MST1: variants seen among roughly 807,000 people sequenced by gnomAD.
MST1 encodes the protein macrophage stimulating 1, also known as hepatocyte growth factor-like protein.
MST1 carries 76 observed loss-of-function variants against 100.1 expected under a neutral mutation model. That is an observed-to-expected ratio of 0.76 (90% CI 0.63 to 0.92). MST1 has a LOEUF of 0.92. MST1 is among the 40% of genes least tolerant of loss of function. The pLI, the probability that MST1 is intolerant of heterozygous loss-of-function variation, is 0.00. For synonymous variants in MST1, 352 were observed against 385.4 expected, an observed-to-expected ratio of 0.91 and a Z score of 1.01; for missense variants, 850 against 990.0, an observed-to-expected ratio of 0.86 and a Z score of 1.90.
At position 49,685,346 on chromosome 3, in the gene MST1, T is replaced by C; in HGVS notation, c.1460A>G (p.Asp487Gly). Residue 487 changes from aspartate (D) to glycine (G), a missense_variant, in exon 13 of 18, where the codon GAT becomes GGT. Asp to Gly is a moderately conservative substitution (Grantham distance 94). Transcript: ENST00000449682. ...VQFEKCGKRV[D>G]RLDQRRSKLR... ...CTTGGAACGCCGCTGATCCAGCCGA[T>C]CCACCCTCTTGCCACACTTCTCAAA... The C allele has an allele frequency of 6.2e-7, 1 of 1,613,620 alleles. No homozygotes were observed. The highest frequency in any genetic ancestry group is 8.5e-7 in the Non-Finnish European group (1 of 1,179,862).
intron 8 of MST1, 24 bp downstream of exon 8, chr3:49,686,289 G>GCCCCCCACCCCCCCCCCCCCC: frequency 8.1e-7 from 1 of 1,235,666 alleles, no homozygotes; most frequent in South Asian, 1.4e-5. Flanking sequence ...ACGTCCCAAC[G>GCCCCCCACCCCCCCCCCCCCC]CCCGCCCCCC....
Position 49,684,304 on chromosome 3 carries a change from T to G in MST1, c.2016+10A>C. On this transcript the variant is annotated intron_variant, in intron 17 of 17. Transcript: ENST00000449682. ...CCCTTCCAGGGCTGGCCCAGGGCCC[T>G]GCCACCAACCTCACAGGCCCCCACA... 6.2e-7 allele frequency: 1 copy of G among 1,612,904 alleles called. No individual in the cohort carries two copies. The highest frequency in any genetic ancestry group is 1.3e-5 in the African/African-American group (1 of 75,052).
chr3:49,685,586 T>C lies in MST1; in HGVS notation c.1387+10A>G, dbSNP rs779869305. ...GGCAGGGTCATGGGGGAAGCGTCAC[T>C]AGTGCTCACCGCAGCGTCGCAGGGC... On this transcript the variant is annotated intron_variant, in intron 11 of 17. Transcript: ENST00000449682. 1.2e-5 allele frequency: 19 copies of C among 1,613,302 alleles called. No homozygotes were observed. In the South Asian group the frequency reaches 2.1e-4, roughly 18 times the overall value.
At position 49,684,660 on chromosome 3, in the gene MST1, T is replaced by A. The variant is rs1464700647; in HGVS notation, c.1770-4A>T. On this transcript the variant is annotated splice_region_variant and splice_polypyrimidine_tract_variant and intron_variant, in intron 15 of 17. Coordinates refer to ENST00000449682, the MANE Select transcript of MST1 (RefSeq NM_020998.4). ...ACGCTGGTTCAGGGTCACAGATCTT[T>A]AGCAAGAATGGGGGCACTCAGGGTC... 2.5e-6 allele frequency: 4 copies of A among 1,613,388 alleles called. No individual in the cohort carries two copies. The highest frequency in any genetic ancestry group is 3.4e-6 in the Non-Finnish European group (4 of 1,179,814).
intron 1 of MST1, 22 bp from the exon 2 acceptor site, chr3:49,687,919 G>T (rs746115658): frequency 3.7e-6 from 6 of 1,607,668 alleles, no homozygotes; most frequent in Non-Finnish European, 5.1e-6. Flanking sequence ...GCATGAGTGG[G>T]TGCAGGTCAG....
intron 11 of MST1, 22 bp from the exon 12 acceptor site, chr3:49,685,528 G>A (rs760002752): frequency 6.2e-7 from 1 of 1,613,448 alleles, no homozygotes; most frequent in African/African-American, 1.3e-5. Context: ...AGTTCACTGG[G>A]GTTAAGGGAG....
rs555393582 is a variant in MST1 at position 49,688,542 on chromosome 3, G to C, written c.94+56C>G. ...ACTTTTTTCTCATCCTAGAATAGGA[G>C]AATGGGGCCAACCCCCTCCTGAAGG... On this transcript the variant is annotated intron_variant, in intron 1 of 17. Coordinates refer to ENST00000449682, the MANE Select transcript of MST1 (RefSeq NM_020998.4). 36 of 1,599,652 alleles carry C rather than the reference G, an allele frequency of 2.3e-5. 1 individual carries two copies. The South Asian group carries it at 3.8e-4, about 17-fold the overall frequency.
Position 49,684,640 on chromosome 3 carries a change from G to A in MST1, c.1786C>T (p.Gln596Ter), listed in dbSNP as rs1224921815. The change falls in exon 16 of 18, where the codon CAG (glutamine) becomes TAG (stop). Residue 596 changes from glutamine (Q) to a stop codon, truncating the protein, a stop_gained. Coordinates refer to ENST00000449682, the MANE Select transcript of MST1 (RefSeq NM_020998.4). LOFTEE classifies it high-confidence loss of function. ...GGCAGGCAGATCAGGGCCACACGCT[G>A]GTTCAGGGTCACAGATCTTTAGCAA... ...LKLERSVTLN[Q>*]RVALICLPPE... 1 of 1,613,586 alleles carries A rather than the reference G, an allele frequency of 6.2e-7. No homozygotes were observed. Among genetic ancestry groups the A allele is most frequent in the Non-Finnish European group, 8.5e-7 (1 of 1,179,870 alleles).
chr3:49,684,474 A>G, intron 16 of MST1, 21 bp from the exon 17 acceptor site: 2 of 1,613,506 alleles, frequency 1.2e-6, no homozygotes, highest in Non-Finnish European at 1.7e-6. Context: ...GGGAATGGGG[A>G]GAGGGAGAGG....
intron 8 of MST1, 24 bp downstream of exon 8, chr3:49,686,289 G>GCCCCACCCCCCCCCCCCCCCCCC: frequency 8.1e-7 from 1 of 1,235,666 alleles, no homozygotes; most frequent in Non-Finnish European, 1.1e-6. Flanking sequence ...ACGTCCCAAC[G>GCCCCACCCCCCCCCCCCCCCCCC]CCCGCCCCCC....
chr3:49,685,390 A>G lies in MST1; in HGVS notation c.1424-8T>C. ...TCTCAAACTGCACCTGGTCTGTAGG[A>G]TGGGGTGGGCTGGATGAAACCCAGA... On this transcript the variant is annotated splice_polypyrimidine_tract_variant and splice_region_variant and intron_variant, in intron 12 of 17. Coordinates refer to ENST00000449682, the MANE Select transcript of MST1 (RefSeq NM_020998.4). The G allele has an allele frequency of 6.2e-7, 1 of 1,613,644 alleles. No individual in the cohort carries two copies. Among genetic ancestry groups the G allele is most frequent in the African/African-American group, 1.3e-5 (1 of 75,050 alleles).
At chr3:49,686,647 C>G (rs1251676859) in intron 7 of MST1, 37 bp downstream of exon 7, 1 of 1,549,082 alleles carries the variant, frequency 6.5e-7, no homozygotes, top group Admixed American at 1.9e-5. Flanking sequence ...CCCCAAGGTT[C>G]CCAGGTACCC....
Position 49,687,827 on chromosome 3 carries a change from C to G in MST1, c.165G>C (p.Val55=). Residue 55 remains valine (V), a synonymous_variant, in exon 2 of 18, where the codon GTG becomes GTC. Coordinates refer to ENST00000449682, the MANE Select transcript of MST1 (RefSeq NM_020998.4). The stretch of plus-strand genomic sequence containing the variant: ...CATCCTCCTGCCAAGGCCCGGGCAC[C>G]ACCGCATGTAGCAGGTGCTGTAGCT... The part of the protein sequence containing the change: ...GTELQHLLHA[V]VPGPWQEDVA... The G allele has an allele frequency of 1.2e-6, 2 of 1,613,636 alleles. No homozygotes were observed. The highest frequency in any genetic ancestry group is 2.2e-5 in the East Asian group (1 of 44,888).
Position 49,686,194 on chromosome 3 carries a change from T to C in MST1, c.1017-2A>G. 2 of 1,610,336 alleles carry C rather than the reference T, an allele frequency of 1.2e-6. No homozygotes were observed. Among genetic ancestry groups the C allele is most frequent in the Non-Finnish European group, 8.5e-7 (1 of 1,179,408 alleles). On this transcript the variant is annotated splice_acceptor_variant, in intron 8 of 17. Transcript: ENST00000449682. LOFTEE classifies it high-confidence loss of function. ...CGGCAGAAGTTCTCCCGAAGGTCTC[T>C]AAGCAGGCGCTCCACTCAGCCCTAG...
intron 1 of MST1, 114 bp from the exon 2 acceptor site, chr3:49,688,011 T>C: frequency 7.1e-7 from 1 of 1,416,888 alleles, no homozygotes; most frequent in Non-Finnish European, 9.5e-7. Flanking sequence ...GCTTCTGGGA[T>C]GGACCCTGTA....
At position 49,686,547 on chromosome 3, in the gene MST1, A is replaced by G; in HGVS notation, c.848-66T>C. 1.9e-6 allele frequency: 3 copies of G among 1,587,870 alleles called. No individual in the cohort carries two copies. The South Asian group carries it at 3.4e-5, about 18-fold the overall frequency. On this transcript the variant is annotated intron_variant, in intron 7 of 17. Coordinates refer to ENST00000449682, the MANE Select transcript of MST1 (RefSeq NM_020998.4). ...GAGATCCCTCTGGGGCTGGGACCAA[A>G]CCCGCCTTTCCCAGGTGTACGGTAC...
Position 49,687,823 on chromosome 3 carries a change from G to C in MST1, c.169C>G (p.Pro57Ala). ...ELQHLLHAVV[P>A]GPWQEDVADA... Reference sequence around the variant, plus strand: ...GCCACATCCTCCTGCCAAGGCCCGGGCACCACCGCATGTAGCAGGTGCTGT... The same window carrying C: ...GCCACATCCTCCTGCCAAGGCCCGGCCACCACCGCATGTAGCAGGTGCTGT... Residue 57 changes from proline to alanine, a missense_variant, in exon 2 of 18, where the codon CCC becomes GCC. This residue lies in a region of MST1 where 816 missense variants were observed against 924.6 expected (regional missense o/e 0.88). Coordinates refer to ENST00000449682, the MANE Select transcript of MST1 (RefSeq NM_020998.4). The C allele has an allele frequency of 6.2e-7, 1 of 1,613,606 alleles. No homozygotes were observed. Among genetic ancestry groups the C allele is most frequent in the Non-Finnish European group, 8.5e-7 (1 of 1,179,854 alleles).
chr3:49,687,937 T>A, intron 1 of MST1, 40 bp from the exon 2 acceptor site: 1 of 1,590,596 alleles, frequency 6.3e-7, no homozygotes, highest in African/African-American at 1.3e-5. Flanking sequence ...CAGGTGGGCA[T>A]ACATGTCAGT....
rs1321940754 is a variant in MST1, at chr3:49,684,209, A to T, written c.2017-20T>A. On this transcript the variant is annotated intron_variant, in intron 17 of 17. Coordinates refer to ENST00000449682, the MANE Select transcript of MST1 (RefSeq NM_020998.4). ...GTCACCCTGGCAGGTAGGAGAACTG[A>T]TGAGGGCCCCGGGCCACAGCAATGA... The T allele has an allele frequency of 6.2e-7, 1 of 1,610,566 alleles. No individual in the cohort carries two copies.
Sources: gnomAD v4.1 joint callset for allele counts on GRCh38, gnomAD v4.1.1 for gene constraint, gnomAD v4.1.1 regional missense constraint, MANE v1.5 for transcripts, NCBI Gene and HGNC (gene_info 2026-07-23, HGNC 2026-07-21) for gene names.